VPS50: variants seen among roughly 807,000 people sequenced by gnomAD.
VPS50 encodes VPS50 subunit of EARP/GARPII complex.
In VPS50, 70 loss-of-function variants were observed where a neutral mutation model predicts 139.7. That is an observed-to-expected ratio of 0.50 (90% CI 0.41 to 0.61). The LOEUF (loss-of-function observed/expected upper bound fraction) is 0.61. Among genes scored for constraint, VPS50 ranks in the 20% least tolerant of loss-of-function variants. The pLI, the probability that VPS50 is intolerant of heterozygous loss-of-function variation, is 0.00. For missense variants in VPS50, 921 were observed against 1,133.7 expected (o/e 0.81, Z 2.69); for synonymous variants, 365 against 376.7 (o/e 0.97, Z 0.36).
chr7:93,298,038 A>T (rs1022876878), intron 16 of VPS50, among the ~76,000 whole-genome samples: 2 of 152,170 alleles, frequency 1.3e-5, no homozygotes, highest in African/African-American at 4.8e-5. Context: ...CCTTGTTCAT[A>T]GTCAACACCT....
At chr7:93,251,629 C>T (rs1795337213) in intron 2 of VPS50, among the ~76,000 whole-genome samples, 1 of 152,036 alleles carries the variant, frequency 6.6e-6, no homozygotes. Flanking sequence ...AACAAACCTG[C>T]ACATTCTGCA....
At position 93,280,489 on chromosome 7, in the gene VPS50, T is replaced by C. The variant is rs1796291397; in HGVS notation, c.942+4184T>C. On this transcript the variant is annotated intron_variant, in intron 12 of 27. Transcript: ENST00000305866. ...TTTTATTTACTTAAAAAATTAGGCC[T>C]TGTTTGTGATTGCATTTACATTTTG... is the stretch of plus-strand genomic sequence containing the variant. 5.3e-5 allele frequency among the ~76,000 whole-genome samples: 8 copies of C among 152,230 alleles called. No individual in the cohort carries two copies. The South Asian group carries it at 1.7e-3, about 32-fold the overall frequency.
chr7:93,249,178 G>T (rs1795243271), intron 2 of VPS50, among the ~76,000 whole-genome samples: 1 of 152,054 alleles, frequency 6.6e-6, no homozygotes, highest in African/African-American at 2.4e-5. Flanking sequence ...TATACAGATT[G>T]TACTCCTTTT....
At chr7:93,353,251 G>A (rs1321879163) in intron 25 of VPS50, among the ~76,000 whole-genome samples, 1 of 152,140 alleles carries the variant, frequency 6.6e-6, no homozygotes, top group Non-Finnish European at 1.5e-5. Context: ...TGAACTGAAC[G>A]CATGTCAAAC....
chr7:93,309,318 T>C (rs1797201227), intron 19 of VPS50, among the ~76,000 whole-genome samples: 1 of 152,128 alleles, frequency 6.6e-6, no homozygotes, highest in African/African-American at 2.4e-5. Context: ...CTTTGAGTTA[T>C]ACAGTTTGTT....
intron 12 of VPS50, 79 bp downstream of exon 12, chr7:93,276,384 C>G (rs1796155468): frequency 2.1e-6 from 3 of 1,413,458 alleles, no homozygotes; most frequent in Non-Finnish European, 1.9e-6. Context: ...TGGTACATAC[C>G]TATTTGAAAA....
At chr7:93,288,541 T>G (rs1214087935) in intron 12 of VPS50, among the ~76,000 whole-genome samples, 1 of 152,180 alleles carries the variant, frequency 6.6e-6, no homozygotes, top group Non-Finnish European at 1.5e-5. Flanking sequence ...ACGTAGGTTT[T>G]GTTAGATCGT....
chr7:93,250,406 G>A (rs1473288344), intron 2 of VPS50, among the ~76,000 whole-genome samples: 1 of 151,880 alleles, frequency 6.6e-6, no homozygotes, highest in Admixed American at 6.6e-5. Context: ...AAAATATACT[G>A]TTCTTTGATC....
At position 93,314,330 on chromosome 7, in the gene VPS50, G is replaced by A. The variant is rs192201306; in HGVS notation, c.1855+3058G>A. Among the ~76,000 whole-genome samples the A allele has an allele frequency of 2.4e-3, 358 of 152,266 alleles. 1 individual carries two copies. The highest frequency in any genetic ancestry group is 3.9e-3 in the Non-Finnish European group (262 of 68,016). ...TTACTTGGCAGATAATTAGCAGAGC[G>A]TAAACAAAAGAGTGTTAATGGGGCT... On this transcript the variant is annotated intron_variant, in intron 20 of 27. Coordinates refer to ENST00000305866, the MANE Select transcript of VPS50 (RefSeq NM_017667.4).
chr7:93,330,975 CAAT>C (rs1025618302), intron 21 of VPS50, among the ~76,000 whole-genome samples: 3 of 129,886 alleles, frequency 2.3e-5, no homozygotes, highest in African/African-American at 1.1e-4. Context: ...ATACAAAAAT[CAAT>C]AATAATCAAG....
At chr7:93,330,771 A>AAC (rs1235712770) in intron 21 of VPS50, among the ~76,000 whole-genome samples, 4 of 151,110 alleles carry the variant, frequency 2.6e-5, no homozygotes, top group African/African-American at 7.3e-5. Flanking sequence ...CAAAAAAAAA[A>AAC]AAAAAAAAAA....
intron 22 of VPS50, among the ~76,000 whole-genome samples, chr7:93,339,344 A>AC (rs1798150937): frequency 6.6e-6 from 1 of 151,276 alleles, no homozygotes; most frequent in Admixed American, 6.6e-5. Flanking sequence ...AAAAAAAAAA[A>AC]CAGAACTAAA....
intron 12 of VPS50, among the ~76,000 whole-genome samples, chr7:93,290,076 T>A (rs1457186512): frequency 6.6e-6 from 1 of 152,012 alleles, no homozygotes; most frequent in Non-Finnish European, 1.5e-5. Context: ...GTGTCTCTTC[T>A]AAATGTTTAT....
intron 12 of VPS50, among the ~76,000 whole-genome samples, chr7:93,281,342 G>T (rs902751424): frequency 2.6e-5 from 4 of 152,050 alleles, no homozygotes; most frequent in Admixed American, 1.3e-4. Context: ...AGTTTATTTT[G>T]TTATTAGTAT....
At chr7:93,312,804 A>C (rs920597412) in intron 20 of VPS50, among the ~76,000 whole-genome samples, 1 of 151,972 alleles carries the variant, frequency 6.6e-6, no homozygotes, top group Non-Finnish European at 1.5e-5. Flanking sequence ...TCCATTTTTC[A>C]GGCTCCATGG....
chr7:93,322,756 A>T (rs1326647571), intron 20 of VPS50, among the ~76,000 whole-genome samples: 5 of 152,086 alleles, frequency 3.3e-5, no homozygotes, highest in Admixed American at 2.0e-4. Flanking sequence ...TTTTTAATAG[A>T]TATGCTTCTT....
intron 21 of VPS50, among the ~76,000 whole-genome samples, chr7:93,330,176 A>AAAGCAGTG (rs1797893372): frequency 6.6e-6 from 1 of 152,202 alleles, no homozygotes; most frequent in Non-Finnish European, 1.5e-5. Flanking sequence ...GTATATTAGT[A>AAAGCAGTG]AAGCAGTGAT....
intron 9 of VPS50, among the ~76,000 whole-genome samples, chr7:93,264,414 AT>A (rs1239953370): frequency 1.6e-4 from 25 of 152,194 alleles, no homozygotes; most frequent in African/African-American, 5.3e-4. Flanking sequence ...ATTTGTCTCA[AT>A]TTGTTTCAAG....
intron 22 of VPS50, chr7:93,340,747 G>A (rs1436487512): frequency 6.6e-6 from 1 of 152,224 alleles, no homozygotes; most frequent in Non-Finnish European, 1.5e-5. Flanking sequence ...GAAATTTGAA[G>A]TCCGATGAGT....
Sources: allele counts gnomAD v4.1 joint callset (sites outside exome capture counted in the v4.1 genomes callset), GRCh38; gene constraint gnomAD v4.1.1; transcripts MANE v1.5; gene names NCBI Gene and HGNC (gene_info 2026-07-23, HGNC 2026-07-21).